The following PTPRG variants were observed in gnomAD, a reference collection of about 807,000 sequenced individuals.
The protein encoded by PTPRG is protein tyrosine phosphatase receptor type G.
A neutral mutation model predicts 165.3 loss-of-function variants in PTPRG; 102 were observed. The ratio of observed to expected loss-of-function variants is 0.62; its 90% CI spans 0.53 to 0.73. The LOEUF (loss-of-function observed/expected upper bound fraction) is 0.73. PTPRG is among the 30% of genes least tolerant of loss of function. PTPRG has a pLI of 0.00. For missense variants in PTPRG, 1,866 were observed against 1,861.4 expected (o/e 1.00, Z -0.05); for synonymous variants, 675 against 669.5 (o/e 1.01, Z -0.13).
rs1701456709 is a variant in PTPRG at position 62,078,242 on chromosome 3, T to C, written c.599T>C (p.Met200Thr). 1 of 1,600,810 alleles carries C rather than the reference T, an allele frequency of 6.2e-7. No individual in the cohort carries two copies. The highest frequency in any genetic ancestry group is 1.3e-5 in the African/African-American group (1 of 74,312). The change falls in exon 5 of 30, where the codon ATG becomes ACG. Residue 200 changes from methionine to threonine, a missense_variant. Coordinates refer to ENST00000474889, the MANE Select transcript of PTPRG (RefSeq NM_002841.4). ...TCTGAGAACAGAATAATCGGAGCCA[T>C]GGCCATATTTTTTCAAGTAAGTTAA... ...AISENRIIGA[M>T]AIFFQVSPRD...
intron 2 of PTPRG, among the ~76,000 whole-genome samples, chr3:61,813,043 T>C (rs916982782): frequency 7.3e-5 from 7 of 95,804 alleles, no homozygotes; most frequent in Admixed American, 7.0e-4. Context: ...CCACCAATTG[T>C]TGTTTGGGAA....
chr3:61,910,424 A>C (rs2038771772), intron 2 of PTPRG, among the ~76,000 whole-genome samples: 1 of 152,196 alleles, frequency 6.6e-6, no homozygotes, highest in African/African-American at 2.4e-5. Context: ...TGTCCAACCC[A>C]GTGGGTATGA....
intron 2 of PTPRG, among the ~76,000 whole-genome samples, chr3:61,795,020 A>G (rs73839144): frequency 0.011 from 1,638 of 152,314 alleles, 23 homozygotes; most frequent in African/African-American, 0.035. Flanking sequence ...AGCAGTATCA[A>G]TGATCAGCGT....
chr3:62,201,416 A>T, intron 10 of PTPRG, 89 bp from the exon 11 acceptor site: 1 of 1,036,104 alleles, frequency 9.7e-7, no homozygotes, highest in Non-Finnish European at 1.4e-6. Context: ...TGAAAATTAT[A>T]TGTAATTCAG....
chr3:61,794,213 A>T (rs1004025515), intron 2 of PTPRG, among the ~76,000 whole-genome samples: 1 of 152,230 alleles, frequency 6.6e-6, no homozygotes. Context: ...AAATCAGAAT[A>T]GAATTTGTAT....
intron 2 of PTPRG, among the ~76,000 whole-genome samples, chr3:61,760,516 A>G (rs1248921189): frequency 6.6e-6 from 1 of 152,158 alleles, no homozygotes; most frequent in African/African-American, 2.4e-5. Context: ...TCTGCTTATC[A>G]TGACTTGGAG....
intron 4 of PTPRG, among the ~76,000 whole-genome samples, chr3:62,050,159 G>C (rs17065788): frequency 0.1 from 15,937 of 152,268 alleles, 1,015 homozygotes; most frequent in Middle Eastern, 0.21. Flanking sequence ...CTCTTGACTG[G>C]TGTGGAGAAT....
chr3:61,748,725 AGTTTT>A (rs911224273), intron 1 of PTPRG, among the ~76,000 whole-genome samples, 148 bp from the exon 2 acceptor site: 3 of 72,920 alleles, frequency 4.1e-5, no homozygotes, highest in Non-Finnish European at 8.8e-5. Flanking sequence ...ACTTTCCTAT[AGTTTT>A]TTTTTTTTTT....
At position 61,738,318 on chromosome 3, in the gene PTPRG, A is replaced by G. The variant is rs868267407; in HGVS notation, c.86-10560A>G. On this transcript the variant is annotated intron_variant, in intron 1 of 29. Coordinates refer to ENST00000474889, the MANE Select transcript of PTPRG (RefSeq NM_002841.4). ...TATATATATATATATATATACATATATATATATATATATATATATGTATAT... is the reference window on the plus strand; with the variant it reads ...TATATATATATATATATATACATATGTATATATATATATATATATGTATAT... Among the ~76,000 whole-genome samples the G allele has an allele frequency of 5.6e-3, 543 of 96,956 alleles. 38 individuals carry two copies. The highest frequency in any genetic ancestry group is 0.017 in the African/African-American group (485 of 28,102). 63.6% of individuals were successfully genotyped at this position (96,956 alleles called of 152,430 possible).
At chr3:62,247,341 C>G (rs533945848) in intron 15 of PTPRG, among the ~76,000 whole-genome samples, 2 of 152,240 alleles carry the variant, frequency 1.3e-5, no homozygotes, top group South Asian at 4.1e-4. Flanking sequence ...TTTCATATCT[C>G]AAGACTTCAG....
At chr3:61,682,931 C>T (rs1703501539) in intron 1 of PTPRG, among the ~76,000 whole-genome samples, 1 of 152,202 alleles carries the variant, frequency 6.6e-6, no homozygotes, top group South Asian at 2.1e-4. Flanking sequence ...CAAAGCTGAA[C>T]ATATGTGATC....
intron 17 of PTPRG, among the ~76,000 whole-genome samples, chr3:62,264,763 G>A (rs779328635): frequency 6.6e-6 from 1 of 152,090 alleles, no homozygotes; most frequent in African/African-American, 2.4e-5. Context: ...TCATGTACAA[G>A]TCTTTATGTA....
intron 8 of PTPRG, among the ~76,000 whole-genome samples, chr3:62,168,831 C>T (rs774776603): frequency 1.1e-4 from 17 of 152,284 alleles, no homozygotes; most frequent in African/African-American, 3.8e-4. Context: ...CCTTGTCTGG[C>T]GTCCAGGAAC....
intron 2 of PTPRG, among the ~76,000 whole-genome samples, chr3:61,841,324 G>A (rs1462355037): frequency 2.6e-5 from 4 of 152,084 alleles, no homozygotes; most frequent in African/African-American, 9.7e-5. Context: ...AAAGCGAGGC[G>A]GCCAGGTGCA....
chr3:61,640,597 A>G (rs1408650409), intron 1 of PTPRG, among the ~76,000 whole-genome samples: 2 of 152,252 alleles, frequency 1.3e-5, no homozygotes, highest in Non-Finnish European at 2.9e-5. Context: ...TAGCTGTTTT[A>G]AAAGCCTTGT....
intron 2 of PTPRG, among the ~76,000 whole-genome samples, chr3:61,908,143 A>T (rs979572047): frequency 1.3e-5 from 2 of 149,046 alleles, no homozygotes; most frequent in African/African-American, 4.9e-5. Context: ...AAAAAAAAAA[A>T]AAAAAATCGG....
At chr3:61,804,104 C>G (rs991398885) in intron 2 of PTPRG, among the ~76,000 whole-genome samples, 2 of 152,150 alleles carry the variant, frequency 1.3e-5, no homozygotes, top group African/African-American at 4.8e-5. Context: ...CTTAAATGCC[C>G]TTGGGCTTTC....
chr3:61,782,665 A>G (rs1392683963), intron 2 of PTPRG, among the ~76,000 whole-genome samples: 1 of 152,244 alleles, frequency 6.6e-6, no homozygotes, highest in Non-Finnish European at 1.5e-5. Context: ...CTGAAAGAGA[A>G]AACTGAAGAC....
Position 62,131,445 on chromosome 3 carries a change from A to G in PTPRG, c.616-1157A>G, listed in dbSNP as rs554642490. 1.3e-3 allele frequency among the ~76,000 whole-genome samples: 202 copies of G among 152,320 alleles called. 1 individual carries two copies. The highest frequency in any genetic ancestry group is 2.5e-3 in the Non-Finnish European group (173 of 68,030). ...ACAGGGAAAATTTGTAAGAGTAAAA[A>G]GGAATGTGGAAAATTTTCAGTCACC... On this transcript the variant is annotated intron_variant, in intron 5 of 29. Transcript: ENST00000474889.
Sources: allele counts gnomAD v4.1 joint callset (sites outside exome capture counted in the v4.1 genomes callset), GRCh38; gene constraint gnomAD v4.1.1; transcripts MANE v1.5; gene names NCBI Gene and HGNC (gene_info 2026-07-23, HGNC 2026-07-21).